The following MAP3K15 variants were observed in gnomAD, a reference collection of about 807,000 sequenced individuals.
MAP3K15 encodes mitogen-activated protein kinase kinase kinase 15, also known as MAPK/ERK kinase kinase 15.
In MAP3K15, 124 loss-of-function variants were observed where a neutral mutation model predicts 99.5. The ratio of observed to expected loss-of-function variants is 1.25; its 90% CI spans 1.08 to 1.45. The LOEUF (loss-of-function observed/expected upper bound fraction) is 1.45. MAP3K15 is among the 40% of genes most tolerant of loss of function. The pLI, the probability that MAP3K15 is intolerant of heterozygous loss-of-function variation, is 0.00. For synonymous variants in MAP3K15, 494 were observed against 439.6 expected (o/e 1.12, Z -1.55); for missense variants, 1,242 against 1,079.7 (o/e 1.15, Z -2.11).
chrX:19,375,270 G>A (rs2063409192), intron 19 of MAP3K15, among the ~76,000 whole-genome samples: 1 of 112,100 alleles, frequency 8.9e-6, no homozygotes, highest in South Asian at 3.7e-4. Flanking sequence ...ATACTCAAAG[G>A]CATCTGTTAC....
chrX:19,480,478 T>TCAAAA (rs1246191769), intron 3 of MAP3K15, among the ~76,000 whole-genome samples: 2 of 109,718 alleles, frequency 1.8e-5, no homozygotes, highest in East Asian at 2.8e-4. Flanking sequence ...AGACCCTGTC[T>TCAAAA]CAAAACAAAA....
Position 19,409,993 on chromosome X carries a change from G to A in MAP3K15, c.1699-20C>T, listed in dbSNP as rs2063675142. ...CTGTTTCTGCAAGTTATCAAAGACA[G>A]AAGTCAATAGTTTGAGTTTTTTAAA... On this transcript the variant is annotated intron_variant, in intron 11 of 28. Coordinates refer to ENST00000338883, the MANE Select transcript of MAP3K15 (RefSeq NM_001001671.4). 8.5e-7 allele frequency: 1 copy of A among 1,177,509 alleles called. No individual in the cohort carries two copies. The highest frequency in any genetic ancestry group is 1.2e-6 in the Non-Finnish European group (1 of 868,743).
At chrX:19,466,346 A>G (rs956264168) in intron 3 of MAP3K15, among the ~76,000 whole-genome samples, 7 of 111,664 alleles carry the variant, frequency 6.3e-5, no homozygotes, top group African/African-American at 1.6e-4. Flanking sequence ...CGTAATCCCC[A>G]TGTGTCAAGG....
chrX:19,502,283 C>A (rs917883957), intron 1 of MAP3K15, among the ~76,000 whole-genome samples: 3 of 110,519 alleles, frequency 2.7e-5, no homozygotes, highest in African/African-American at 6.6e-5. Context: ...GAGTTATAAT[C>A]CCTACGTGTG....
chrX:19,421,270 A>G (rs1301380714), intron 9 of MAP3K15, among the ~76,000 whole-genome samples: 3 of 111,506 alleles, frequency 2.7e-5, no homozygotes, highest in African/African-American at 9.8e-5. Context: ...ACATGATTGG[A>G]TATCTAGAAA....
chrX:19,463,328 A>G, intron 4 of MAP3K15, among the ~76,000 whole-genome samples: 1 of 111,821 alleles, frequency 8.9e-6, no homozygotes, highest in Middle Eastern at 4.2e-3. Context: ...ACACTACAAT[A>G]GAACACTCCG....
intron 6 of MAP3K15, among the ~76,000 whole-genome samples, chrX:19,446,526 C>T (rs998517987): frequency 8.9e-6 from 1 of 111,882 alleles, no homozygotes; most frequent in African/African-American, 3.2e-5. Flanking sequence ...TCATGTCAGT[C>T]CAGTTTACAA....
At chrX:19,373,973 G>A (rs2147219047) in intron 20 of MAP3K15, among the ~76,000 whole-genome samples, 1 of 111,411 alleles carries the variant, frequency 9.0e-6, no homozygotes, top group African/African-American at 3.3e-5. Context: ...CCTTTTCAGG[G>A]GCCACTCTTA....
At chrX:19,421,533 T>C (rs759426679) in intron 9 of MAP3K15, among the ~76,000 whole-genome samples, 56 of 110,619 alleles carry the variant, frequency 5.1e-4, no homozygotes, top group African/African-American at 1.8e-3. Context: ...TAAAAGAGGA[T>C]ACAAGGAAAC....
chrX:19,484,667 G>A (rs1295004785), intron 3 of MAP3K15, among the ~76,000 whole-genome samples: 1 of 111,897 alleles, frequency 8.9e-6, no homozygotes, highest in East Asian at 2.8e-4. Flanking sequence ...GTGAGGAATG[G>A]AGAAAGAAAA....
At chrX:19,372,989 C>T in intron 21 of MAP3K15, 162 bp from the exon 22 acceptor site, 1 of 332,833 alleles carries the variant, frequency 3.0e-6, no homozygotes, top group Non-Finnish European at 4.9e-6. Context: ...ATGCAGTGTT[C>T]TGTCAACCCC....
chrX:19,445,973 T>TAAATAAATAAAG (rs2063995408), intron 6 of MAP3K15, among the ~76,000 whole-genome samples: 1 of 109,149 alleles, frequency 9.2e-6, no homozygotes, highest in Non-Finnish European at 1.9e-5. Context: ...AATAAATAAA[T>TAAATAAATAAAG]AAATAAATAA....
At chrX:19,361,211 T>C in intron 28 of MAP3K15, 128 bp downstream of exon 28, 1 of 555,124 alleles carries the variant, frequency 1.8e-6, no homozygotes, top group African/African-American at 2.3e-5. Flanking sequence ...ACCTTGGCTT[T>C]TTCCCAGCTT....
Position 19,426,295 on chromosome X carries a change from A to T in MAP3K15, c.1215T>A (p.Asn405Lys). The change falls in exon 8 of 29, where the codon AAT (asparagine) becomes AAA (lysine). Residue 405 changes from asparagine (N) to lysine (K), a missense_variant. By Grantham distance (94) the Asn-to-Lys change is moderately conservative. Transcript: ENST00000338883. The part of the protein sequence containing the change: ...ELQSSLYSGI[N>K]LAVLLIVAGQ... ...CAGCAACAATCAGCAAAACTGCAAG[A>T]TTAATTCCCGAATAGAGGGATGACT... 8.5e-7 allele frequency: 1 copy of T among 1,172,272 alleles called. No individual in the cohort carries two copies. Among genetic ancestry groups the T allele is most frequent in the Non-Finnish European group, 1.1e-6 (1 of 879,924 alleles).
At chrX:19,508,809 G>T (rs1465933842) in intron 1 of MAP3K15, among the ~76,000 whole-genome samples, 1 of 111,494 alleles carries the variant, frequency 9.0e-6, no homozygotes, top group East Asian at 2.8e-4. Context: ...GCTCAAGTGT[G>T]GGAGGTTGAG....
intron 4 of MAP3K15, among the ~76,000 whole-genome samples, chrX:19,461,886 G>C (rs1290152653): frequency 9.1e-6 from 1 of 110,308 alleles, no homozygotes; most frequent in East Asian, 2.8e-4. Context: ...AGCTACTTCG[G>C]AGGTCGAGGC....
intron 6 of MAP3K15, 116 bp from the exon 7 acceptor site, chrX:19,431,724 T>C: frequency 3.7e-6 from 2 of 538,455 alleles, no homozygotes; most frequent in South Asian, 3.9e-5. Flanking sequence ...AGCGGGTAGA[T>C]CATTTGAGGT....
intron 19 of MAP3K15, 57 bp downstream of exon 19, chrX:19,380,063 T>G (rs2063447647): frequency 9.1e-7 from 1 of 1,096,434 alleles, no homozygotes; most frequent in African/African-American, 1.9e-5. Flanking sequence ...GGAGGAGACT[T>G]TGTTTTTAAT....
chrX:19,374,380 T>C, intron 20 of MAP3K15, 97 bp downstream of exon 20: 1 of 853,767 alleles, frequency 1.2e-6, no homozygotes, highest in South Asian at 2.5e-5. Flanking sequence ...CCCAGGGCTC[T>C]GGATAGCCAG....
Sources: gnomAD v4.1 joint callset for allele counts (sites outside exome capture counted in the v4.1 genomes callset) on GRCh38, gnomAD v4.1.1 for gene constraint, MANE v1.5 for transcripts, NCBI Gene and HGNC (gene_info 2026-07-23, HGNC 2026-07-21) for gene names.